Variants in SEPTIN11 observed in about 807,000 individuals in gnomAD.
SEPTIN11 encodes the protein septin 11, also known as septin-11.
In SEPTIN11, 25 loss-of-function variants were observed where a neutral mutation model predicts 51.4. That is an observed-to-expected ratio of 0.49 (90% CI 0.35 to 0.68). The LOEUF is 0.68. SEPTIN11 is among the 30% of genes least tolerant of loss of function. The pLI, the probability that SEPTIN11 is intolerant of heterozygous loss-of-function variation, is 0.00. For synonymous variants in SEPTIN11, 174 were observed against 184.1 expected (o/e 0.95, Z 0.44); for missense variants, 381 against 520.8 (o/e 0.73, Z 2.61).
intron 1 of SEPTIN11, among the ~76,000 whole-genome samples, chr4:76,954,048 G>T (rs1418272624): frequency 6.6e-6 from 1 of 152,186 alleles, no homozygotes; most frequent in Non-Finnish European, 1.5e-5. Flanking sequence ...GAAGGAAGTG[G>T]ATGCTTAGTG....
intron 7 of SEPTIN11, 117 bp from the exon 8 acceptor site, chr4:77,028,512 T>C: frequency 8.7e-7 from 1 of 1,149,678 alleles, no homozygotes; most frequent in Non-Finnish European, 1.2e-6. Context: ...TATGCTTTGA[T>C]CTGGCAAGCA....
At chr4:77,031,915 A>G (rs1013330467) in intron 9 of SEPTIN11, 1 of 152,232 alleles carries the variant, frequency 6.6e-6, no homozygotes, top group Non-Finnish European at 1.5e-5. Flanking sequence ...TTCGCCTTAC[A>G]TGCCAAGGTT....
intron 1 of SEPTIN11, chr4:76,987,904 C>T (rs1052507821): frequency 1.3e-6 from 1 of 795,244 alleles, no homozygotes; most frequent in African/African-American, 1.8e-5. Context: ...AGTGGGTATT[C>T]TGTAAGGAGA....
At chr4:76,951,650 G>A (rs1032933123) in intron 1 of SEPTIN11, among the ~76,000 whole-genome samples, 2 of 152,218 alleles carry the variant, frequency 1.3e-5, no homozygotes, top group Non-Finnish European at 2.9e-5. Context: ...TTCAGTGGGG[G>A]TGTTTGGCTT....
intron 1 of SEPTIN11, among the ~76,000 whole-genome samples, chr4:76,990,584 G>T (rs528606546): frequency 6.6e-6 from 1 of 152,300 alleles, no homozygotes; most frequent in Admixed American, 6.5e-5. Context: ...GAGCCCTGTT[G>T]TGAACTGTGC....
At chr4:77,019,373 G>T in intron 6 of SEPTIN11, 112 bp downstream of exon 6, 1 of 803,294 alleles carries the variant, frequency 1.2e-6, no homozygotes, top group South Asian at 2.1e-5. Flanking sequence ...GGCTGGCAGT[G>T]GGAGGGAGTG....
At chr4:76,996,355 T>C in intron 1 of SEPTIN11, 70 bp from the exon 2 acceptor site, 2 of 1,071,468 alleles carry the variant, frequency 1.9e-6, no homozygotes, top group Non-Finnish European at 2.9e-6. Flanking sequence ...AAGAATGTAA[T>C]GTTTGTGATA....
chr4:77,032,600 A>ATC (rs1560752935), intron 9 of SEPTIN11, among the ~76,000 whole-genome samples: 1 of 152,188 alleles, frequency 6.6e-6, no homozygotes, highest in African/African-American at 2.4e-5. Context: ...GTACACATAC[A>ATC]TCTATAGGTA....
At chr4:76,993,881 G>C (rs1291492456) in intron 1 of SEPTIN11, among the ~76,000 whole-genome samples, 1 of 152,108 alleles carries the variant, frequency 6.6e-6, no homozygotes, top group Non-Finnish European at 1.5e-5. Flanking sequence ...AAAATACTTA[G>C]TGGGTGTGTG....
intron 1 of SEPTIN11, among the ~76,000 whole-genome samples, chr4:76,980,928 A>G (rs1722739630): frequency 6.6e-6 from 1 of 152,128 alleles, no homozygotes; most frequent in Non-Finnish European, 1.5e-5. Flanking sequence ...TCAAGTTTTG[A>G]TTTTAGCTTA....
chr4:76,989,414 A>G (rs1408819777), intron 1 of SEPTIN11, among the ~76,000 whole-genome samples: 3 of 152,254 alleles, frequency 2.0e-5, no homozygotes, highest in African/African-American at 4.8e-5. Context: ...GGATTAAACA[A>G]TTCAAATATC....
intron 1 of SEPTIN11, among the ~76,000 whole-genome samples, chr4:76,993,190 T>C (rs997318827): frequency 1.3e-5 from 2 of 152,246 alleles, no homozygotes; most frequent in Non-Finnish European, 2.9e-5. Flanking sequence ...GTCTCAAGCA[T>C]GGCTAAGTAC....
At chr4:77,039,811 TTTA>T, downstream of SEPTIN11, 1 of 883,526 alleles carries the variant, frequency 1.1e-6, no homozygotes, top group Middle Eastern at 5.8e-4. Flanking sequence ...CCACTGTTGT[TTTA>T]TTTGACTTTT....
intron 3 of SEPTIN11, among the ~76,000 whole-genome samples, chr4:77,006,629 A>AT (rs964148203): frequency 2.6e-5 from 4 of 152,216 alleles, no homozygotes; most frequent in African/African-American, 4.8e-5. Context: ...CATTATGGGC[A>AT]TAAGTGTCTA....
intron 1 of SEPTIN11, chr4:76,996,032 T>A: frequency 8.5e-7 from 1 of 1,176,854 alleles, no homozygotes; most frequent in Non-Finnish European, 1.2e-6. Flanking sequence ...TGTTAAATAT[T>A]TTTTCACTAT....
chr4:76,977,726 C>CTTTTT (rs559226407), intron 1 of SEPTIN11, among the ~76,000 whole-genome samples: 1 of 127,530 alleles, frequency 7.8e-6, no homozygotes. Flanking sequence ...AAAGGTTCGT[C>CTTTTT]TTTTTTTTTT....
chr4:77,027,449 A>G (rs1726246952), intron 7 of SEPTIN11, among the ~76,000 whole-genome samples: 2 of 152,150 alleles, frequency 1.3e-5, no homozygotes, highest in African/African-American at 4.8e-5. Context: ...TACATTTTCT[A>G]ATACTAAACT....
chr4:77,033,698 A>G (rs1396034480), intron 9 of SEPTIN11, among the ~76,000 whole-genome samples: 1 of 152,224 alleles, frequency 6.6e-6, no homozygotes, highest in Non-Finnish European at 1.5e-5. Flanking sequence ...AACTGTCTGC[A>G]CAATTGCCAG....
rs370267588 is a variant in SEPTIN11, at chr4:77,016,615, C to CATATATATAT, written c.687+1604_687+1613dup. Among the ~76,000 whole-genome samples the CATATATATAT allele has an allele frequency of 4.4e-3, 351 of 79,212 alleles. 10 individuals carry two copies. The highest frequency in any genetic ancestry group is 0.016 in the African/African-American group (336 of 21,480). The allele number at this position is 79,212 out of a possible 152,430, so 52.0% of individuals were successfully genotyped here. A position where few individuals can be genotyped will look rare whatever the true frequency, so the allele number is the denominator to read the frequency against. ...ATACACACACATATATATATATACACATATATATATATATACACATATATA... is the reference window on the plus strand; with the variant it reads ...ATACACACACATATATATATATACACATATATATATATATATATATATATACACATATATA... On this transcript the variant is annotated intron_variant, in intron 5 of 9. Transcript: ENST00000264893.
Sources: allele counts gnomAD v4.1 joint callset (sites outside exome capture counted in the v4.1 genomes callset), GRCh38; gene constraint gnomAD v4.1.1; transcripts MANE v1.5; gene names NCBI Gene and HGNC (gene_info 2026-07-23, HGNC 2026-07-21).